The following ACACA variants were observed in gnomAD, a reference collection of about 807,000 sequenced individuals.
ACACA encodes acetyl-CoA carboxylase alpha.
A neutral mutation model predicts 296.1 loss-of-function variants in ACACA; 103 were observed. The ratio of observed to expected loss-of-function variants is 0.35; its 90% CI spans 0.30 to 0.41. The LOEUF (loss-of-function observed/expected upper bound fraction) is 0.41, where lower values mean the gene tolerates loss of function less well. Among genes scored for constraint, ACACA ranks in the 10% least tolerant of loss-of-function variants. ACACA has a pLI of 1.00. For synonymous variants in ACACA, 953 were observed against 1,038.6 expected, an observed-to-expected ratio of 0.92 and a Z score of 1.58; for missense variants, 1,554 against 2,989.7, an observed-to-expected ratio of 0.52 and a Z score of 11.20.
chr17:37,323,134 G>T (rs1193246121), intron 3 of ACACA, among the ~76,000 whole-genome samples: 2 of 152,288 alleles, frequency 1.3e-5, no homozygotes, highest in Non-Finnish European at 1.5e-5. Flanking sequence ...ACCCCAAGAT[G>T]GTGCCGTGGG....
intron 1 of ACACA, among the ~76,000 whole-genome samples, chr17:37,390,303 A>ATTTTATATATATATATATTATAT (rs1167945419): frequency 1.5e-4 from 3 of 19,940 alleles, no homozygotes; most frequent in Admixed American, 1.1e-3. Flanking sequence ...ATTATACATA[A>ATTTTATATATATATATATTATAT]TTATATATAT....
At chr17:37,283,442 G>T in intron 4 of ACACA, 37 bp from the exon 5 acceptor site, 1 of 1,609,726 alleles carries the variant, frequency 6.2e-7, no homozygotes, top group South Asian at 1.1e-5. Flanking sequence ...GGAAGAAAAG[G>T]CAGAAAAAAG....
chr17:37,210,409 A>T, intron 30 of ACACA, 58 bp downstream of exon 30: 1 of 1,514,740 alleles, frequency 6.6e-7, no homozygotes. Context: ...TCCTGGTTTC[A>T]CTATTCTAAG....
intron 45 of ACACA, among the ~76,000 whole-genome samples, chr17:37,146,834 C>A (rs983726511): frequency 6.8e-6 from 1 of 147,894 alleles, no homozygotes; most frequent in Non-Finnish European, 1.5e-5. Flanking sequence ...TTCAGTCCCC[C>A]CCAAAACCCC....
chr17:37,212,558 A>C (rs1196091521), intron 29 of ACACA, among the ~76,000 whole-genome samples: 1 of 152,198 alleles, frequency 6.6e-6, no homozygotes, highest in African/African-American at 2.4e-5. Context: ...TGTAAGGGAG[A>C]TAAGCAAGGA....
intron 41 of ACACA, among the ~76,000 whole-genome samples, chr17:37,171,935 A>G (rs1266293299): frequency 6.6e-6 from 1 of 152,196 alleles, no homozygotes; most frequent in African/African-American, 2.4e-5. Flanking sequence ...TGGTATGGAA[A>G]TTAACCAAGT....
chr17:37,260,296 ATTTTTT>A (rs1165828702), intron 11 of ACACA, among the ~76,000 whole-genome samples: 212 of 18,896 alleles, frequency 0.011, 3 homozygotes, highest in African/African-American at 0.038. Flanking sequence ...ATATATATAT[ATTTTTT>A]TTTTTTTTTT....
In ACACA at chr17:37,219,813, C is replaced by T. The variant is rs543744695; in HGVS notation, c.3683+1911G>A. 5.3e-5 allele frequency among the ~76,000 whole-genome samples: 8 copies of T among 151,066 alleles called. No homozygotes were observed. The South Asian group carries it at 1.0e-3, about 20-fold the overall frequency. ...ACAAGCTATACTCTGAAACTGAATA[C>T]ATCATTTTATGATCAAACCTGATCA... On this transcript the variant is annotated intron_variant, in intron 29 of 55. Coordinates refer to ENST00000616317, the MANE Select transcript of ACACA (RefSeq NM_198834.3).
In ACACA at chr17:37,406,289, G is replaced by C. The variant is rs568310868; in HGVS notation, c.11C>G (p.Ser4Cys). MWWSTLMSILRARS... is the reference protein window; with the variant it reads MWWCTLMSILRARS... ...AGCCCTCAAGATTGACATCAGAGTA[G>C]ACCACCACATCCTCTCATCATTGCG... The change falls in exon 1 of 56, where the codon TCT (serine) becomes TGT (cysteine). Residue 4 changes from serine to cysteine, a missense_variant. Ser to Cys is a moderately radical substitution (Grantham distance 112). Coordinates refer to ENST00000616317, the MANE Select transcript of ACACA (RefSeq NM_198834.3). The C allele has an allele frequency of 2.5e-6, 4 of 1,614,166 alleles. No homozygotes were observed. Among genetic ancestry groups the C allele is most frequent in the Non-Finnish European group, 2.5e-6 (3 of 1,180,020 alleles).
intron 16 of ACACA, among the ~76,000 whole-genome samples, chr17:37,249,327 G>A (rs953905806): frequency 3.9e-5 from 6 of 152,170 alleles, no homozygotes; most frequent in Non-Finnish European, 7.3e-5. Context: ...ATGTGGCTGT[G>A]CAAGTATCTT....
In ACACA at chr17:37,119,521, TC is replaced by T. The variant is rs1567682830; in HGVS notation, c.6274+1833del. On this transcript the variant is annotated intron_variant, in intron 50 of 55. Coordinates refer to ENST00000616317, the MANE Select transcript of ACACA (RefSeq NM_198834.3). ...TTAATTTGGATATATAGTCCAAGTC[TC>T]CCCCAAGAAAAGTATAAAATGTGGT... Among the ~76,000 whole-genome samples, 6 of 151,200 alleles carry T rather than the reference TC, an allele frequency of 4.0e-5. No homozygotes were observed. In the South Asian group the frequency reaches 1.3e-3, roughly 32 times the overall value.
intron 3 of ACACA, among the ~76,000 whole-genome samples, chr17:37,311,420 A>G (rs1442263567): frequency 6.6e-6 from 1 of 151,898 alleles, no homozygotes; most frequent in Non-Finnish European, 1.5e-5. Context: ...CAAAACACAC[A>G]CACACAAATA....
At chr17:37,106,328 T>C (rs376982454) in intron 52 of ACACA, among the ~76,000 whole-genome samples, 16 of 152,342 alleles carry the variant, frequency 1.1e-4, no homozygotes, top group African/African-American at 3.8e-4. Flanking sequence ...CCTTTTGTAA[T>C]GGGAATAATT....
chr17:37,367,897 G>A (rs191835889), intron 1 of ACACA, among the ~76,000 whole-genome samples: 346 of 152,088 alleles, frequency 2.3e-3, no homozygotes, highest in African/African-American at 7.9e-3. Flanking sequence ...ATGAAACCCC[G>A]TCTCTACCAA....
chr17:37,225,936 T>G (rs2079524720), intron 26 of ACACA, among the ~76,000 whole-genome samples: 1 of 152,230 alleles, frequency 6.6e-6, no homozygotes, highest in Non-Finnish European at 1.5e-5. Flanking sequence ...TCATTATCTT[T>G]CTGCTTTCCA....
rs1281407087 is a variant in ACACA at position 37,289,625 on chromosome 17, C to G, written c.339-4655G>C. 4.8e-6 allele frequency: 3 copies of G among 620,464 alleles called. No individual in the cohort carries two copies. The African/African-American group carries it at 5.6e-5, about 12-fold the overall frequency. The allele number at this position is 620,464 out of a possible 1,614,324, so 38.4% of individuals were successfully genotyped here. On this transcript the variant is annotated intron_variant, in intron 3 of 55. Transcript: ENST00000616317. Reference sequence around the variant, plus strand: ...ACCCCATATACATTTAGATACCTAACCAATACCATGTGCTCTCCGGCAGTA... The same window carrying G: ...ACCCCATATACATTTAGATACCTAAGCAATACCATGTGCTCTCCGGCAGTA...
At chr17:37,322,394 A>G (rs1053426233) in intron 3 of ACACA, among the ~76,000 whole-genome samples, 4 of 152,188 alleles carry the variant, frequency 2.6e-5, no homozygotes, top group African/African-American at 9.7e-5. Flanking sequence ...TGACTTGAAC[A>G]TATGTTTTAA....
chr17:37,399,403 A>G lies in ACACA; in HGVS notation c.38+6859T>C, dbSNP rs183157103. On this transcript the variant is annotated intron_variant, in intron 1 of 55. Coordinates refer to ENST00000616317, the MANE Select transcript of ACACA (RefSeq NM_198834.3). The stretch of plus-strand genomic sequence containing the variant: ...AGTTCCTTGCATATTCCAAGCATTT[A>G]TTGGGCACCTGTTGGTTGCACAAGA... Among the ~76,000 whole-genome samples, 10 of 152,314 alleles carry G rather than the reference A, an allele frequency of 6.6e-5. No individual in the cohort carries two copies. The East Asian group carries it at 1.9e-3, about 29-fold the overall frequency.
intron 52 of ACACA, among the ~76,000 whole-genome samples, chr17:37,106,151 T>TA (rs11347340): frequency 6.5e-4 from 96 of 148,542 alleles, no homozygotes; most frequent in Middle Eastern, 3.5e-3. Context: ...GTAAGATAGG[T>TA]AAAAAAAAAA....
Sources: allele counts gnomAD v4.1 joint callset (sites outside exome capture counted in the v4.1 genomes callset), GRCh38; gene constraint gnomAD v4.1.1; transcripts MANE v1.5; gene names NCBI Gene and HGNC (gene_info 2026-07-23, HGNC 2026-07-21).